The following USP32 variants were observed in gnomAD, a reference collection of about 807,000 sequenced individuals.
USP32 encodes the protein ubiquitin specific peptidase 32.
In USP32, 59 loss-of-function variants were observed where a neutral mutation model predicts 204.8. The observed-to-expected ratio is 0.29, with a 90% CI of 0.23 to 0.36. The LOEUF (loss-of-function observed/expected upper bound fraction) is 0.36, where lower values mean the gene tolerates loss of function less well. USP32 is among the 10% of genes least tolerant of loss of function. USP32 has a pLI of 1.00. For missense variants in USP32, 1,160 were observed against 1,946.4 expected, an observed-to-expected ratio of 0.60 and a Z score of 7.60; for synonymous variants, 517 against 678.4, an observed-to-expected ratio of 0.76 and a Z score of 3.70.
intron 2 of USP32, among the ~76,000 whole-genome samples, chr17:60,338,510 C>T (rs762799254): frequency 1.3e-5 from 2 of 152,090 alleles, no homozygotes; most frequent in Non-Finnish European, 2.9e-5. Context: ...GCAGGGTGAT[C>T]ACCTGAGCTC....
intron 1 of USP32, among the ~76,000 whole-genome samples, chr17:60,399,654 C>T (rs1175453077): frequency 6.6e-6 from 1 of 151,694 alleles, no homozygotes; most frequent in African/African-American, 2.4e-5. Flanking sequence ...CAGAGCAAGA[C>T]CCTGTCAAAA....
intron 1 of USP32, among the ~76,000 whole-genome samples, chr17:60,355,830 C>CA (rs1194639113): frequency 0.18 from 3,945 of 22,426 alleles, 323 homozygotes; most frequent in African/African-American, 0.34. Flanking sequence ...CTCACTCTCT[C>CA]AAAAAAAAAA....
intron 2 of USP32, among the ~76,000 whole-genome samples, chr17:60,305,530 A>G (rs1429922659): frequency 6.6e-6 from 1 of 152,222 alleles, no homozygotes; most frequent in African/African-American, 2.4e-5. Flanking sequence ...TATCCAAACT[A>G]TATCAATTAT....
chr17:60,390,795 C>T (rs2089820026), intron 1 of USP32, among the ~76,000 whole-genome samples: 1 of 152,274 alleles, frequency 6.6e-6, no homozygotes, highest in Middle Eastern at 3.4e-3. Flanking sequence ...GACTTGGAAA[C>T]CTGTTAACAA....
chr17:60,420,850 A>G (rs1054824364), intron 1 of USP32, among the ~76,000 whole-genome samples: 3 of 152,200 alleles, frequency 2.0e-5, no homozygotes, highest in African/African-American at 7.2e-5. Context: ...CAAAAATGGA[A>G]TCATACCTTT....
chr17:60,370,637 C>A (rs1045592244), intron 1 of USP32, among the ~76,000 whole-genome samples: 2 of 151,638 alleles, frequency 1.3e-5, no homozygotes, highest in Admixed American at 6.6e-5. Context: ...CATGGTGGTG[C>A]CCACCCAACC....
At chr17:60,227,394 C>T (rs762131414) in intron 12 of USP32, among the ~76,000 whole-genome samples, 10 of 151,256 alleles carry the variant, frequency 6.6e-5, no homozygotes, top group South Asian at 2.1e-4. Flanking sequence ...CTCAGCCTCC[C>T]GAGTAACTGG....
chr17:60,365,747 T>G (rs1189765340), intron 1 of USP32, among the ~76,000 whole-genome samples: 1 of 152,122 alleles, frequency 6.6e-6, no homozygotes, highest in Non-Finnish European at 1.5e-5. Context: ...TAAACCATTT[T>G]TATAAATAAA....
At chr17:60,289,746 A>G (rs1226874748) in intron 4 of USP32, among the ~76,000 whole-genome samples, 1 of 152,204 alleles carries the variant, frequency 6.6e-6, no homozygotes, top group African/African-American at 2.4e-5. Context: ...AGGAAATACA[A>G]TGAAGCTACA....
intron 2 of USP32, among the ~76,000 whole-genome samples, chr17:60,312,918 C>T (rs1336628560): frequency 1.3e-5 from 2 of 152,136 alleles, no homozygotes; most frequent in African/African-American, 4.8e-5. Flanking sequence ...AACATACTTA[C>T]TACTGATAAA....
intron 2 of USP32, among the ~76,000 whole-genome samples, chr17:60,321,016 C>A (rs2088099991): frequency 1.3e-5 from 2 of 152,084 alleles, no homozygotes; most frequent in Admixed American, 6.6e-5. Context: ...GACGCAGTAG[C>A]ACAAAGTATA....
chr17:60,292,583 C>T (rs112895667), intron 4 of USP32, among the ~76,000 whole-genome samples: 147 of 152,218 alleles, frequency 9.7e-4, no homozygotes, highest in African/African-American at 3.1e-3. Flanking sequence ...AGAAAAAATT[C>T]TAGGCCAACT....
chr17:60,394,702 G>T (rs896393551), upstream of USP32, among the ~76,000 whole-genome samples: 4 of 152,040 alleles, frequency 2.6e-5, no homozygotes, highest in South Asian at 8.3e-4. Flanking sequence ...AACCTGTATA[G>T]CATGTTACTG....
chr17:60,316,368 C>T (rs569562884), intron 2 of USP32, among the ~76,000 whole-genome samples: 7 of 151,702 alleles, frequency 4.6e-5, no homozygotes, highest in Admixed American at 1.3e-4. Flanking sequence ...AAATGGGGAA[C>T]GGAAATCAGG....
In USP32 at chr17:60,372,319, C is replaced by T. The variant is rs544380595; in HGVS notation, c.58+19563G>A. On this transcript the variant is annotated intron_variant, in intron 1 of 33. Transcript: ENST00000300896. ...TGCATCACAAATGACAGGAATGCAT[C>T]GTTAGGTGATTTCATCATTGTGCAG... is the stretch of plus-strand genomic sequence containing the variant. Among the ~76,000 whole-genome samples the T allele has an allele frequency of 5.9e-5, 9 of 152,262 alleles. No homozygotes were observed. In the East Asian group the frequency reaches 1.7e-3, roughly 29 times the overall value.
At position 60,231,552 on chromosome 17, in the gene USP32, G is replaced by A. The variant is rs79685010; in HGVS notation, c.1239+4586C>T. On this transcript the variant is annotated intron_variant, in intron 12 of 33. Coordinates refer to ENST00000300896, the MANE Select transcript of USP32 (RefSeq NM_032582.4). ...GCAGGAAAACAAGGCTGCCCCACTCGTGGCAGTCCTGACGACGATCCTCGA... is the reference window on the plus strand; with the variant it reads ...GCAGGAAAACAAGGCTGCCCCACTCATGGCAGTCCTGACGACGATCCTCGA... 346 of 516,886 alleles carry A rather than the reference G, an allele frequency of 6.7e-4. 3 individuals carry two copies. The East Asian group carries it at 0.016, about 24-fold the overall frequency. 32.0% of individuals were successfully genotyped at this position (516,886 alleles called of 1,614,324 possible).
chr17:60,232,898 T>G (rs1324667678), intron 12 of USP32, among the ~76,000 whole-genome samples: 1 of 152,152 alleles, frequency 6.6e-6, no homozygotes, highest in Non-Finnish European at 1.5e-5. Context: ...CTACCACCAT[T>G]ATTACCTTTA....
chr17:60,378,897 T>C (rs146139758), intron 1 of USP32, among the ~76,000 whole-genome samples: 1 of 152,052 alleles, frequency 6.6e-6, no homozygotes, highest in Non-Finnish European at 1.5e-5. Flanking sequence ...TTTTTTAAAA[T>C]AGTTCAAATG....
upstream of USP32, among the ~76,000 whole-genome samples, chr17:60,393,969 C>T (rs1480459270): frequency 6.6e-6 from 1 of 152,220 alleles, no homozygotes; most frequent in Non-Finnish European, 1.5e-5. Flanking sequence ...CAGGCGTGAG[C>T]CACCGCGCCC....
Sources: gnomAD v4.1 joint callset for allele counts (sites outside exome capture counted in the v4.1 genomes callset) on GRCh38, gnomAD v4.1.1 for gene constraint, MANE v1.5 for transcripts, NCBI Gene and HGNC (gene_info 2026-07-23, HGNC 2026-07-21) for gene names.